The following CD109 variants were observed in gnomAD, a reference collection of about 807,000 sequenced individuals.
CD109 encodes CD109 antigen.
A neutral mutation model predicts 165.8 loss-of-function variants in CD109; 149 were observed. The observed-to-expected ratio is 0.90, with a 90% CI of 0.79 to 1.03. CD109 has a LOEUF of 1.03. Ranked by LOEUF, CD109 falls within the 50% of genes least tolerant of loss-of-function variation. CD109 has a pLI of 0.00. For synonymous variants in CD109, 585 were observed against 592.1 expected, an observed-to-expected ratio of 0.99 and a Z score of 0.18; for missense variants, 1,712 against 1,677.8, an observed-to-expected ratio of 1.02 and a Z score of -0.36.
chr6:73,736,589 A>G, intron 5 of CD109, 81 bp downstream of exon 5: 1 of 1,251,062 alleles, frequency 8.0e-7, no homozygotes, highest in Non-Finnish European at 1.1e-6. Flanking sequence ...AAAGTCATTT[A>G]TACAATGAAG....
At chr6:73,807,931 G>T in intron 25 of CD109, 152 bp from the exon 26 acceptor site, 1 of 612,790 alleles carries the variant, frequency 1.6e-6, no homozygotes, top group Admixed American at 3.3e-5. Context: ...AAATGTCAAT[G>T]ATCATGGTTG....
At chr6:73,732,888 T>C (rs1165030029) in intron 4 of CD109, among the ~76,000 whole-genome samples, 2 of 152,170 alleles carry the variant, frequency 1.3e-5, no homozygotes, top group South Asian at 2.1e-4. Flanking sequence ...TTTCCTCTTA[T>C]TAGCTCTGGT....
At chr6:73,701,330 G>T (rs972615156) in intron 2 of CD109, among the ~76,000 whole-genome samples, 5 of 152,046 alleles carry the variant, frequency 3.3e-5, no homozygotes, top group African/African-American at 1.2e-4. Flanking sequence ...TTTGCATAAA[G>T]AGTTAGTTAA....
chr6:73,775,417 T>C (rs1186504192), intron 15 of CD109, among the ~76,000 whole-genome samples: 1 of 152,182 alleles, frequency 6.6e-6, no homozygotes, highest in Non-Finnish European at 1.5e-5. Flanking sequence ...AACTGCATTT[T>C]TTCATCCCAC....
At chr6:73,722,870 G>A (rs1562030281) in intron 2 of CD109, among the ~76,000 whole-genome samples, 1 of 152,114 alleles carries the variant, frequency 6.6e-6, no homozygotes, top group African/African-American at 2.4e-5. Context: ...TTTATCACGA[G>A]GGTATGAGGA....
chr6:73,699,218 T>G (rs1384018425), intron 2 of CD109, among the ~76,000 whole-genome samples: 2 of 151,966 alleles, frequency 1.3e-5, no homozygotes, highest in East Asian at 3.9e-4. Flanking sequence ...AATTTATGAG[T>G]GGGAAGAGGG....
chr6:73,762,825 G>T lies in CD109; in HGVS notation c.940G>T (p.Asp314Tyr). The change falls in exon 9 of 33, where the codon GAT (aspartate) becomes TAT (tyrosine). Residue 314 changes from aspartate (D) to tyrosine (Y), a missense_variant. Asp to Tyr is a radical substitution (Grantham distance 160, BLOSUM62 -3). Transcript: ENST00000287097. ...DSSNGLSEYL[D>Y]LSSPGPVEIL... ...TTCAAATGGACTTTCTGAATACCTG[G>T]ATCTATCTTCCCCTGGACCAGTAGA... 1 of 1,612,846 alleles carries T rather than the reference G, an allele frequency of 6.2e-7. No homozygotes were observed. The highest frequency in any genetic ancestry group is 8.5e-7 in the Non-Finnish European group (1 of 1,179,256).
At chr6:73,695,564 C>T (rs1051968499), upstream of CD109, 1 of 151,518 alleles carries the variant, frequency 6.6e-6, no homozygotes, top group Non-Finnish European at 1.5e-5. Flanking sequence ...GGTGATAAAT[C>T]ATAACATTTT....
Position 73,746,309 on chromosome 6 carries a change from G to C in CD109, c.633+9801G>C, listed in dbSNP as rs563935951. Among the ~76,000 whole-genome samples, 8 of 152,244 alleles carry C rather than the reference G, an allele frequency of 5.3e-5. 1 individual carries two copies. In the South Asian group the frequency reaches 1.7e-3, roughly 32 times the overall value. ...TGGCAGCCCTGGGTGAGGGGGAAGG[G>C]GGCACTGAAATGAGTACCAAGTCCC... On this transcript the variant is annotated intron_variant, in intron 5 of 32. Transcript: ENST00000287097.
chr6:73,807,073 G>GT lies in CD109; in HGVS notation c.3189+2dup. ...TCTCCTGGGATATAGAAAGTATCAG[G>GT]TATTTCGTATTTAATTTAATAAATG... On this transcript the variant is annotated splice_donor_variant, in intron 25 of 32. Coordinates refer to ENST00000287097, the MANE Select transcript of CD109 (RefSeq NM_133493.5). LOFTEE classifies it high-confidence loss of function. The GT allele has an allele frequency of 2.5e-6, 4 of 1,598,978 alleles. No individual in the cohort carries two copies. Among genetic ancestry groups the GT allele is most frequent in the Non-Finnish European group, 3.4e-6 (4 of 1,166,838 alleles).
chr6:73,770,773 G>T lies in CD109; in HGVS notation c.1675-656G>T, dbSNP rs113555987. ...CAAAAACAAAAAAAGAAAATGCCCA[G>T]TAGGCAGGGGCCTCATGACAAGGCC... On this transcript the variant is annotated intron_variant, in intron 14 of 32. Coordinates refer to ENST00000287097, the MANE Select transcript of CD109 (RefSeq NM_133493.5). Among the ~76,000 whole-genome samples the T allele has an allele frequency of 1.6e-3, 239 of 152,232 alleles. 1 individual carries two copies. Among genetic ancestry groups the T allele is most frequent in the Non-Finnish European group, 3.1e-3 (212 of 67,986 alleles).
intron 18 of CD109, 27 bp downstream of exon 18, chr6:73,782,782 A>G (rs754972911): frequency 1.1e-5 from 17 of 1,606,790 alleles, no homozygotes; most frequent in Admixed American, 5.1e-5. Flanking sequence ...TTCTTTGCCC[A>G]TACATATTTT....
chr6:73,751,168 T>C (rs1227487109), intron 5 of CD109, among the ~76,000 whole-genome samples: 1 of 152,192 alleles, frequency 6.6e-6, no homozygotes, highest in Non-Finnish European at 1.5e-5. Context: ...CTTGCTAATA[T>C]TTGTCCTGCA....
intron 4 of CD109, among the ~76,000 whole-genome samples, chr6:73,732,235 C>G (rs1772390895): frequency 6.6e-6 from 1 of 152,096 alleles, no homozygotes; most frequent in Admixed American, 6.5e-5. Context: ...GTAAAGTAGG[C>G]CTTTTAGTTT....
intron 5 of CD109, among the ~76,000 whole-genome samples, chr6:73,750,119 A>G (rs1773133444): frequency 6.6e-6 from 1 of 152,230 alleles, no homozygotes; most frequent in South Asian, 2.1e-4. Flanking sequence ...TTCAAGAGAC[A>G]CTTAAAGGCA....
intron 2 of CD109, among the ~76,000 whole-genome samples, chr6:73,713,706 G>C (rs2150158451): frequency 6.6e-6 from 1 of 152,276 alleles, no homozygotes; most frequent in Non-Finnish European, 1.5e-5. Flanking sequence ...ACTTCATTCA[G>C]AGCTGCATTA....
intron 23 of CD109, among the ~76,000 whole-genome samples, chr6:73,793,430 G>C (rs1294116254): frequency 6.6e-6 from 1 of 152,222 alleles, no homozygotes; most frequent in African/African-American, 2.4e-5. Context: ...AACATGAGTT[G>C]AGTGTGCACT....
intron 5 of CD109, among the ~76,000 whole-genome samples, chr6:73,744,859 G>A (rs979150876): frequency 2.0e-5 from 3 of 152,150 alleles, no homozygotes; most frequent in Non-Finnish European, 4.4e-5. Flanking sequence ...GTTCATCAAT[G>A]AAATGGAGGG....
At chr6:73,712,884 A>G (rs911521803) in intron 2 of CD109, among the ~76,000 whole-genome samples, 27 of 152,228 alleles carry the variant, frequency 1.8e-4, no homozygotes, top group Admixed American at 1.6e-3. Context: ...CTTACATAAC[A>G]GAGTGTGTCT....
Sources: allele counts gnomAD v4.1 joint callset (sites outside exome capture counted in the v4.1 genomes callset), GRCh38; gene constraint gnomAD v4.1.1; transcripts MANE v1.5; gene names NCBI Gene and HGNC (gene_info 2026-07-23, HGNC 2026-07-21).